The following GPHN variants were observed in gnomAD, a reference collection of about 807,000 sequenced individuals.
GPHN encodes gephyrin.
GPHN carries 17 observed loss-of-function variants against 95.5 expected under a neutral mutation model. That is an observed-to-expected ratio of 0.18 (90% CI 0.12 to 0.27). GPHN has a LOEUF of 0.27. Ranked by LOEUF, GPHN falls within the 10% of genes least tolerant of loss-of-function variation. The pLI is 1.00. For missense variants in GPHN, 660 were observed against 978.1 expected, an observed-to-expected ratio of 0.67 and a Z score of 4.34; for synonymous variants, 320 against 322.5, an observed-to-expected ratio of 0.99 and a Z score of 0.08.
the GPHN span, among the ~76,000 whole-genome samples, chr14:67,422,315 C>T: frequency 2.6e-5 from 4 of 152,146 alleles, no homozygotes; most frequent in Non-Finnish European, 4.4e-5. Context: ...TCTGACCTAA[C>T]GCTTTCCCCT....
chr14:67,098,745 G>A (rs934031080), intron 12 of GPHN, among the ~76,000 whole-genome samples: 5 of 151,478 alleles, frequency 3.3e-5, no homozygotes, highest in African/African-American at 9.7e-5. Context: ...TGGCTTGAAC[G>A]CGGGAGGCAG....
the GPHN span, among the ~76,000 whole-genome samples, chr14:67,315,195 T>A: frequency 6.6e-6 from 1 of 152,162 alleles, no homozygotes; most frequent in Non-Finnish European, 1.5e-5. Flanking sequence ...CATTGTAATG[T>A]TTTACATTTT....
rs567743021 is a variant in GPHN, at chr14:66,675,015, G to C, written c.65-6092G>C. The stretch of plus-strand genomic sequence containing the variant: ...TCTTTTATAATAGCCATTCTGACTG[G>C]GGTGAGATGATATCTCATTGCAGTT... On this transcript the variant is annotated intron_variant, in intron 1 of 22. Transcript: ENST00000478722. 2.6e-5 allele frequency among the ~76,000 whole-genome samples: 4 copies of C among 152,210 alleles called. No homozygotes were observed. In the South Asian group the frequency reaches 8.3e-4, roughly 32 times the overall value.
At chr14:66,568,575 A>T (rs1473997015) in intron 1 of GPHN, among the ~76,000 whole-genome samples, 1 of 152,166 alleles carries the variant, frequency 6.6e-6, no homozygotes, top group Non-Finnish European at 1.5e-5. Context: ...ATGAAAAAGT[A>T]TGAGTAAGCA....
At chr14:67,129,800 G>T (rs1466390691) in intron 17 of GPHN, among the ~76,000 whole-genome samples, 1 of 140,754 alleles carries the variant, frequency 7.1e-6, no homozygotes, top group Non-Finnish European at 1.6e-5. Flanking sequence ...GAGAGAGGGA[G>T]AGGGAGGGAG....
intron 1 of GPHN, among the ~76,000 whole-genome samples, chr14:66,555,209 G>A (rs1486393665): frequency 1.3e-5 from 2 of 152,128 alleles, no homozygotes; most frequent in Non-Finnish European, 2.9e-5. Flanking sequence ...AGGTTACATA[G>A]ATGGTATATT....
chr14:67,542,676 CTATTT>C, the GPHN span, among the ~76,000 whole-genome samples: 1,648 of 151,866 alleles, frequency 0.011, 37 homozygotes, highest in African/African-American at 0.037. Context: ...AGATAACATT[CTATTT>C]TATTTTATTT....
chr14:66,628,724 T>C (rs1286464492), intron 1 of GPHN, among the ~76,000 whole-genome samples: 1 of 152,116 alleles, frequency 6.6e-6, no homozygotes, highest in East Asian at 1.9e-4. Context: ...CTTGACTCTT[T>C]TGTAATAATG....
chr14:66,712,746 G>C (rs1299402807), intron 2 of GPHN, among the ~76,000 whole-genome samples: 2 of 152,150 alleles, frequency 1.3e-5, no homozygotes, highest in African/African-American at 4.8e-5. Flanking sequence ...GGTTCTACTA[G>C]TTTACATTCC....
the GPHN span, chr14:67,578,001 G>C: frequency 6.2e-7 from 1 of 1,607,354 alleles, no homozygotes; most frequent in Non-Finnish European, 8.5e-7. The surrounding 1 kb of genome is among the most constrained non-coding windows in gnomAD (Gnocchi z 5.0). Context: ...GTCTGCCTGT[G>C]CTCACTGCTG....
chr14:67,237,921 A>T, the GPHN span, among the ~76,000 whole-genome samples: 1 of 152,144 alleles, frequency 6.6e-6, no homozygotes, highest in Non-Finnish European at 1.5e-5. Flanking sequence ...TTTGGGGGGA[A>T]TATTATATTC....
chr14:67,594,642 A>G, the GPHN span, among the ~76,000 whole-genome samples: 1 of 150,950 alleles, frequency 6.6e-6, no homozygotes, highest in Non-Finnish European at 1.5e-5. Context: ...ACAGAGTGAG[A>G]CATCTCAAAA....
chr14:66,573,181 G>A (rs932152903), intron 1 of GPHN, among the ~76,000 whole-genome samples: 2 of 152,190 alleles, frequency 1.3e-5, no homozygotes, highest in Non-Finnish European at 1.5e-5. Context: ...GCTTTTGGAA[G>A]GAATATTCTG....
chr14:67,675,811 C>A, the GPHN span, among the ~76,000 whole-genome samples: 4 of 151,554 alleles, frequency 2.6e-5, no homozygotes, highest in African/African-American at 4.9e-5. Context: ...AAATTCCTGT[C>A]TTCACGTCGG....
intron 3 of GPHN, among the ~76,000 whole-genome samples, chr14:66,813,867 T>C (rs113676418): frequency 7.9e-4 from 121 of 152,288 alleles, no homozygotes; most frequent in Non-Finnish European, 1.5e-3. Context: ...CAGGGCAGTC[T>C]TGAGGTCCCT....
intron 4 of GPHN, among the ~76,000 whole-genome samples, chr14:66,841,014 T>C (rs1037559482): frequency 4.8e-5 from 7 of 145,788 alleles, no homozygotes; most frequent in Admixed American, 1.5e-4. Context: ...GATATAGATA[T>C]AGATATAGAT....
chr14:67,330,409 G>C, the GPHN span, among the ~76,000 whole-genome samples: 1 of 147,150 alleles, frequency 6.8e-6, no homozygotes, highest in Admixed American at 6.8e-5. Context: ...TTTTGGCATT[G>C]TATTTTTGTT....
At chr14:67,477,364 C>G in the GPHN span, among the ~76,000 whole-genome samples, 1 of 152,180 alleles carries the variant, frequency 6.6e-6, no homozygotes, top group Non-Finnish European at 1.5e-5. Context: ...CCTTTCTCCT[C>G]TCACTTCCAT....
chr14:66,574,506 A>C (rs1263978770), intron 1 of GPHN, among the ~76,000 whole-genome samples: 1 of 152,156 alleles, frequency 6.6e-6, no homozygotes, highest in Non-Finnish European at 1.5e-5. Flanking sequence ...ATATTTTCAT[A>C]TGTTTACATG....
Sources: gnomAD v4.1 joint callset for allele counts (sites outside exome capture counted in the v4.1 genomes callset) on GRCh38, gnomAD v4.1.1 for gene constraint, Gnocchi (gnomAD v3.1) non-coding constraint, MANE v1.5 for transcripts, NCBI Gene and HGNC (gene_info 2026-07-23, HGNC 2026-07-21) for gene names.